The following ADAMTS9 variants were observed in gnomAD, a reference collection of about 807,000 sequenced individuals.
ADAMTS9 encodes A disintegrin and metalloproteinase with thrombospondin motifs 9.
ADAMTS9 carries 107 observed loss-of-function variants against 257.1 expected under a neutral mutation model. The ratio of observed to expected loss-of-function variants is 0.42; its 90% CI spans 0.36 to 0.49. ADAMTS9 has a LOEUF of 0.49. Among genes scored for constraint, ADAMTS9 ranks in the 20% least tolerant of loss-of-function variants. The pLI, the probability that ADAMTS9 is intolerant of heterozygous loss-of-function variation, is 0.03. For synonymous variants in ADAMTS9, 982 were observed against 880.9 expected (o/e 1.11, Z -2.03); for missense variants, 2,353 against 2,469.1 (o/e 0.95, Z 1.00).
rs1317836086 is a variant in ADAMTS9 at position 64,561,716 on chromosome 3, C to T, written c.4560G>A (p.Arg1520=). Reference sequence around the variant, plus strand: ...GTGTTCCGATCTGACAGCCCACATGCCTCTGCTGTACGCCTCGGCCACAGG... The same window carrying T: ...GTGTTCCGATCTGACAGCCCACATGTCTCTGCTGTACGCCTCGGCCACAGG... The part of the protein sequence containing the change: ...SVSCGRGVQQ[R]HVGCQIGTHK... The change falls in exon 30 of 40, where the codon AGG becomes AGA. Residue 1520 remains arginine (R), a synonymous_variant. Transcript: ENST00000498707. 16 of 1,613,716 alleles carry T rather than the reference C, an allele frequency of 9.9e-6. No homozygotes were observed. Among genetic ancestry groups the T allele is most frequent in the Non-Finnish European group, 1.4e-5 (16 of 1,179,954 alleles).
chr3:64,539,488 G>T (rs934694207), intron 36 of ADAMTS9, among the ~76,000 whole-genome samples, 194 bp from the exon 37 acceptor site: 1 of 152,160 alleles, frequency 6.6e-6, no homozygotes, highest in Non-Finnish European at 1.5e-5. Flanking sequence ...TATATTTGTG[G>T]TTCTGCGAGC....
chr3:64,633,944 C>T, intron 12 of ADAMTS9, 65 bp from the exon 13 acceptor site: 1 of 1,406,974 alleles, frequency 7.1e-7, no homozygotes, highest in Non-Finnish European at 9.8e-7. Context: ...GAACATCACT[C>T]CTTCATTCAT....
At chr3:64,599,827 A>C (rs2084426391) in intron 26 of ADAMTS9, among the ~76,000 whole-genome samples, 1 of 152,170 alleles carries the variant, frequency 6.6e-6, no homozygotes, top group East Asian at 1.9e-4. Context: ...ATGTGCACTT[A>C]TTTACATATT....
At chr3:64,587,219 T>G (rs1352295477) in intron 28 of ADAMTS9, 1 of 152,138 alleles carries the variant, frequency 6.6e-6, no homozygotes, top group South Asian at 2.1e-4. Context: ...CCCACTGAAG[T>G]TTTCCAAAAC....
In ADAMTS9 at chr3:64,529,420, AT is replaced by A. The variant is rs111960499; in HGVS notation, c.5718+3745del. Among the ~76,000 whole-genome samples the A allele has an allele frequency of 6.0e-3, 888 of 147,034 alleles. 7 individuals are homozygous for A. Among genetic ancestry groups the A allele is most frequent in the African/African-American group, 0.018 (713 of 40,322 alleles). ...GGAGGTTTGGAAAATTGAGGTTTTC[AT>A]TTTTTTTTTTCCCTTCTGTAACTCC... On this transcript the variant is annotated intron_variant, in intron 38 of 39. Coordinates refer to ENST00000498707, the MANE Select transcript of ADAMTS9 (RefSeq NM_182920.2).
chr3:64,528,811 A>G lies in ADAMTS9; in HGVS notation c.5718+4355T>C, dbSNP rs114353798. Reference sequence around the variant, plus strand: ...TTCATTTATGTTTCACAATAAGTCAATGAGAAAGGGGCCACTACAGTCCCC... The same window carrying G: ...TTCATTTATGTTTCACAATAAGTCAGTGAGAAAGGGGCCACTACAGTCCCC... On this transcript the variant is annotated intron_variant, in intron 38 of 39. Transcript: ENST00000498707. 6.3e-3 allele frequency among the ~76,000 whole-genome samples: 964 copies of G among 152,346 alleles called. 15 individuals carry two copies. The highest frequency in any genetic ancestry group is 0.021 in the African/African-American group (891 of 41,568).
At position 64,659,011 on chromosome 3, in the gene ADAMTS9, C is replaced by G. The variant is rs371558355; in HGVS notation, c.680-220G>C. ...GGAAGCTTTCATACTTGCTCGCTTACGGTATTAGAAAATCAGGCCCGAGCT... is the reference window on the plus strand; with the variant it reads ...GGAAGCTTTCATACTTGCTCGCTTAGGGTATTAGAAAATCAGGCCCGAGCT... On this transcript the variant is annotated intron_variant, in intron 3 of 39. Transcript: ENST00000498707. 2.6e-5 allele frequency among the ~76,000 whole-genome samples: 4 copies of G among 152,258 alleles called. No individual in the cohort carries two copies. The East Asian group carries it at 5.8e-4, about 22-fold the overall frequency.
At chr3:64,585,588 A>G (rs1381243004) in intron 28 of ADAMTS9, among the ~76,000 whole-genome samples, 1 of 152,156 alleles carries the variant, frequency 6.6e-6, no homozygotes, top group Non-Finnish European at 1.5e-5. Flanking sequence ...ATTTTTCATA[A>G]TTCACTTGTA....
At chr3:64,569,976 C>T (rs187883978) in intron 28 of ADAMTS9, among the ~76,000 whole-genome samples, 1 of 152,108 alleles carries the variant, frequency 6.6e-6, no homozygotes, top group Non-Finnish European at 1.5e-5. Flanking sequence ...TTCTAGAAGG[C>T]TTTTAGAATG....
intron 11 of ADAMTS9, among the ~76,000 whole-genome samples, chr3:64,646,862 G>T (rs561900032): frequency 2.7e-4 from 41 of 152,122 alleles, no homozygotes; most frequent in African/African-American, 9.6e-4. Flanking sequence ...GTGGGGAGGG[G>T]CTGCACCAAA....
rs570618039 is a variant in ADAMTS9 at position 64,569,359 on chromosome 3, G to T, written c.4357-824C>A. ...TGATTACAGAAGTCATTACCACTCA[G>T]ATCATAAGCTGCTGGCTCGGGTTTT... On this transcript the variant is annotated intron_variant, in intron 28 of 39. Coordinates refer to ENST00000498707, the MANE Select transcript of ADAMTS9 (RefSeq NM_182920.2). Among the ~76,000 whole-genome samples, 3 of 152,298 alleles carry T rather than the reference G, an allele frequency of 2.0e-5. No individual in the cohort carries two copies. The South Asian group carries it at 6.2e-4, about 32-fold the overall frequency.
At chr3:64,565,766 G>A (rs2083529789) in intron 29 of ADAMTS9, 1 of 152,138 alleles carries the variant, frequency 6.6e-6, no homozygotes, top group African/African-American at 2.4e-5. Context: ...GCATTCCTTA[G>A]CTCTTGATTA....
intron 29 of ADAMTS9, among the ~76,000 whole-genome samples, chr3:64,562,079 G>T (rs2083436706): frequency 6.6e-6 from 1 of 152,124 alleles, no homozygotes; most frequent in South Asian, 2.1e-4. Context: ...GCTGCCATGA[G>T]AAATGAAAAC....
In ADAMTS9 at chr3:64,561,402, A is replaced by T. The variant is rs550585795; in HGVS notation, c.4698+176T>A. 9.1e-6 allele frequency: 5 copies of T among 551,008 alleles called. No homozygotes were observed. The East Asian group carries it at 1.3e-4, about 14-fold the overall frequency. 34.1% of individuals were successfully genotyped at this position (551,008 alleles called of 1,614,324 possible). A position where few individuals can be genotyped will look rare whatever the true frequency, so the allele number is the denominator to read the frequency against. ...ACGTAGGAATTGCTTAAAAACAAGA[A>T]GTTCTCCCACCCTTGTTGGAGCGAA... is the stretch of plus-strand genomic sequence containing the variant. On this transcript the variant is annotated intron_variant, in intron 30 of 39. Coordinates refer to ENST00000498707, the MANE Select transcript of ADAMTS9 (RefSeq NM_182920.2).
At position 64,655,798 on chromosome 3, in the gene ADAMTS9, A is replaced by G. The variant is rs1701055556; in HGVS notation, c.1047T>C (p.Asn349=). The change falls in exon 5 of 40, where the codon AAT becomes AAC. Residue 349 remains asparagine, a synonymous_variant. Transcript: ENST00000498707. ...IVIVNLIVIH[N]EQDGPSISFN... ...AAGAAAAAAACTTTATTACCTGTTC[A>G]TTATGAATCACAATTAAGTTCACAA... 1.9e-6 allele frequency: 3 copies of G among 1,571,412 alleles called. No individual in the cohort carries two copies. Among genetic ancestry groups the G allele is most frequent in the Non-Finnish European group, 2.6e-6 (3 of 1,160,490 alleles).
intron 30 of ADAMTS9, among the ~76,000 whole-genome samples, chr3:64,557,178 T>C (rs2083349892): frequency 6.6e-6 from 1 of 151,986 alleles, no homozygotes; most frequent in Admixed American, 6.6e-5. Context: ...GAGGTGAAGG[T>C]CAGAGGAAGG....
intron 12 of ADAMTS9, 58 bp downstream of exon 12, chr3:64,641,790 T>G (rs1700648315): frequency 6.3e-7 from 1 of 1,597,384 alleles, no homozygotes; most frequent in Admixed American, 1.7e-5. Context: ...ATTATTCCCT[T>G]TAGGAATTTC....
intron 30 of ADAMTS9, among the ~76,000 whole-genome samples, chr3:64,552,152 G>A (rs1299207015): frequency 6.6e-6 from 1 of 152,210 alleles, no homozygotes; most frequent in African/African-American, 2.4e-5. Context: ...ATGGGACTTT[G>A]AGAGCCTAAG....
chr3:64,631,835 C>T lies in ADAMTS9; in HGVS notation c.2266G>A (p.Ala756Thr), dbSNP rs1171349847. The T allele has an allele frequency of 1.2e-6, 2 of 1,613,720 alleles. No homozygotes were observed. The highest frequency in any genetic ancestry group is 1.7e-6 in the Non-Finnish European group (2 of 1,179,708). ...TAATGTACTGTATTAAATGTTCCTG[C>T]CACTGTTTTGCATGAAGAATTATCG... ...GGDNSSCKTV[A>T]GTFNTVHYGY... The change falls in exon 15 of 40, where the codon GCA becomes ACA. Residue 756 changes from alanine (A) to threonine (T), a missense_variant. Ala to Thr is a moderately conservative substitution (Grantham distance 58). Transcript: ENST00000498707.
Sources: gnomAD v4.1 joint callset for allele counts (sites outside exome capture counted in the v4.1 genomes callset) on GRCh38, gnomAD v4.1.1 for gene constraint, MANE v1.5 for transcripts, NCBI Gene and HGNC (gene_info 2026-07-23, HGNC 2026-07-21) for gene names.